The following SLC25A21 variants were observed in gnomAD, a reference collection of about 807,000 sequenced individuals.
SLC25A21 encodes the protein mitochondrial 2-oxodicarboxylate carrier.
SLC25A21 carries 47 observed loss-of-function variants against 43.8 expected under a neutral mutation model. The observed-to-expected ratio is 1.07, with a 90% CI of 0.85 to 1.37. SLC25A21 has a LOEUF of 1.37. Ranked by LOEUF, SLC25A21 falls within the 40% of genes most tolerant of loss-of-function variation. SLC25A21 has a pLI of 0.00. For missense variants in SLC25A21, 352 were observed against 350.2 expected, an observed-to-expected ratio of 1.00 and a Z score of -0.04; for synonymous variants, 131 against 121.3, an observed-to-expected ratio of 1.08 and a Z score of -0.52.
chr14:37,125,649 C>T (rs911965577), intron 1 of SLC25A21, among the ~76,000 whole-genome samples: 20 of 152,152 alleles, frequency 1.3e-4, no homozygotes, highest in Non-Finnish European at 2.5e-4. Context: ...AGAGTAACAA[C>T]TATATTCTAG....
At chr14:36,882,696 C>T (rs1890771374) in intron 1 of SLC25A21, among the ~76,000 whole-genome samples, 1 of 151,972 alleles carries the variant, frequency 6.6e-6, no homozygotes, top group Admixed American at 6.6e-5. Context: ...AAACAATTCA[C>T]CAATTTACAT....
intron 1 of SLC25A21, among the ~76,000 whole-genome samples, chr14:36,943,946 T>C (rs781024259): frequency 5.9e-5 from 9 of 152,274 alleles, no homozygotes; most frequent in African/African-American, 2.2e-4. Flanking sequence ...GATGTTTATA[T>C]TAAATATAAA....
At chr14:36,926,633 T>C (rs1485950118) in intron 1 of SLC25A21, among the ~76,000 whole-genome samples, 2 of 151,868 alleles carry the variant, frequency 1.3e-5, no homozygotes, top group African/African-American at 4.8e-5. Flanking sequence ...TGTGAAAGAG[T>C]GTTTGGACGA....
intron 3 of SLC25A21, among the ~76,000 whole-genome samples, chr14:36,759,211 T>A (rs1486533184): frequency 6.6e-6 from 1 of 152,188 alleles, no homozygotes; most frequent in Non-Finnish European, 1.5e-5. Flanking sequence ...CACATCTCCT[T>A]CAGAAATGTT....
chr14:36,978,035 C>T (rs1959922793), intron 1 of SLC25A21, among the ~76,000 whole-genome samples: 2 of 150,516 alleles, frequency 1.3e-5, no homozygotes, highest in African/African-American at 4.9e-5. Flanking sequence ...ATAACAAGAT[C>T]AGGCTGGATA....
At chr14:37,137,248 C>T (rs946540620) in intron 1 of SLC25A21, among the ~76,000 whole-genome samples, 6 of 152,164 alleles carry the variant, frequency 3.9e-5, no homozygotes, top group East Asian at 1.9e-4. Flanking sequence ...CCGCCCGCCT[C>T]GGCCTCCTAA....
intron 2 of SLC25A21, among the ~76,000 whole-genome samples, chr14:36,871,867 T>C (rs1039530499): frequency 6.6e-6 from 1 of 152,160 alleles, no homozygotes; most frequent in Non-Finnish European, 1.5e-5. Flanking sequence ...AAATTTAGTA[T>C]AGAAAACTTA....
At chr14:36,965,313 C>T (rs1373885310) in intron 1 of SLC25A21, among the ~76,000 whole-genome samples, 1 of 152,128 alleles carries the variant, frequency 6.6e-6, no homozygotes, top group Non-Finnish European at 1.5e-5. Flanking sequence ...CAATCTTTCA[C>T]ACTCCACTAA....
At chr14:36,686,568 T>C (rs1882555505) in intron 7 of SLC25A21, among the ~76,000 whole-genome samples, 1 of 152,098 alleles carries the variant, frequency 6.6e-6, no homozygotes, top group South Asian at 2.1e-4. Flanking sequence ...TTCTGAGAAA[T>C]AAAAACAATA....
intron 1 of SLC25A21, among the ~76,000 whole-genome samples, chr14:37,134,728 G>A (rs1378722530): frequency 2.6e-5 from 4 of 151,708 alleles, no homozygotes; most frequent in Non-Finnish European, 5.9e-5. Context: ...GACTATTCCA[G>A]AAAAAATGTT....
At chr14:36,858,153 A>C (rs1024900178) in intron 2 of SLC25A21, among the ~76,000 whole-genome samples, 9 of 152,060 alleles carry the variant, frequency 5.9e-5, no homozygotes, top group African/African-American at 2.2e-4. Context: ...AGGTCCCATG[A>C]AGTAACGTTT....
chr14:36,711,579 G>C, intron 6 of SLC25A21, 97 bp from the exon 7 acceptor site: 1 of 1,361,978 alleles, frequency 7.3e-7, no homozygotes, highest in East Asian at 2.4e-5. Context: ...GAATTATTAG[G>C]GACTTTTTTC....
At chr14:36,773,297 G>A (rs1317557118) in intron 3 of SLC25A21, among the ~76,000 whole-genome samples, 1 of 152,036 alleles carries the variant, frequency 6.6e-6, no homozygotes, top group African/African-American at 2.4e-5. Context: ...GCTGTGATAA[G>A]GGCCTGCCAT....
chr14:37,156,578 A>G (rs992705776), intron 1 of SLC25A21, among the ~76,000 whole-genome samples: 14 of 152,140 alleles, frequency 9.2e-5, no homozygotes, highest in African/African-American at 3.4e-4. Flanking sequence ...GTAAAGGAAA[A>G]GGAAAAGACA....
At chr14:37,092,339 A>G (rs74045487) in intron 1 of SLC25A21, among the ~76,000 whole-genome samples, 4 of 152,126 alleles carry the variant, frequency 2.6e-5, no homozygotes, top group Non-Finnish European at 2.9e-5. Context: ...ATTACAGCCA[A>G]TCCTACACAG....
intron 1 of SLC25A21, among the ~76,000 whole-genome samples, chr14:36,899,582 T>G (rs373087764): frequency 6.6e-6 from 1 of 152,216 alleles, no homozygotes; most frequent in Admixed American, 6.5e-5. Context: ...GCATCTGAGG[T>G]TTCTCTTGCC....
chr14:36,705,638 T>G (rs2139178182), intron 7 of SLC25A21, among the ~76,000 whole-genome samples: 1 of 152,266 alleles, frequency 6.6e-6, no homozygotes, highest in African/African-American at 2.4e-5. Flanking sequence ...ATTCCCCATT[T>G]CCACTCCCCA....
At chr14:36,879,510 C>T (rs17105625) in intron 1 of SLC25A21, among the ~76,000 whole-genome samples, 1 of 152,124 alleles carries the variant, frequency 6.6e-6, no homozygotes, top group Non-Finnish European at 1.5e-5. Context: ...GTGAGCATGA[C>T]TATATCTCTA....
rs554060782 is a variant in SLC25A21 at position 36,978,813 on chromosome 14, T to A, written c.71-103809A>T. Among the ~76,000 whole-genome samples the A allele has an allele frequency of 2.0e-5, 3 of 152,312 alleles. 1 individual carries two copies. The highest frequency in any genetic ancestry group is 1.3e-4 in the Admixed American group (2 of 15,308). On this transcript the variant is annotated intron_variant, in intron 1 of 9. Coordinates refer to ENST00000331299, the MANE Select transcript of SLC25A21 (RefSeq NM_030631.4). ...TCAGATGATCTCAGTACCTAAGCCATTCACCGACTCTAAATCAGGCACATT... is the reference window on the plus strand; with the variant it reads ...TCAGATGATCTCAGTACCTAAGCCAATCACCGACTCTAAATCAGGCACATT...
Sources: allele counts gnomAD v4.1 joint callset (sites outside exome capture counted in the v4.1 genomes callset), GRCh38; gene constraint gnomAD v4.1.1; transcripts MANE v1.5; gene names NCBI Gene and HGNC (gene_info 2026-07-23, HGNC 2026-07-21).